PGPEP1L: variants seen among roughly 807,000 people sequenced by gnomAD.
PGPEP1L encodes pyroglutamyl-peptidase I like.
In PGPEP1L, 7 loss-of-function variants were observed where a neutral mutation model predicts 6.0. That is an observed-to-expected ratio of 1.17 (90% CI 0.66 to 2.19). The LOEUF (loss-of-function observed/expected upper bound fraction) is 2.19. Ranked by LOEUF, PGPEP1L falls within the 30% of genes most tolerant of loss-of-function variation. The pLI is 0.00. For synonymous variants in PGPEP1L, 103 were observed against 83.9 expected (o/e 1.23, Z -1.24); for missense variants, 209 against 192.5 (o/e 1.09, Z -0.51).
intron 4 of PGPEP1L, 43 bp from the exon 5 acceptor site, chr15:98,968,740 C>CT (rs1567233174): frequency 2.0e-6 from 3 of 1,526,660 alleles, no homozygotes; most frequent in East Asian, 4.9e-5. Flanking sequence ...GGACCAGCCT[C>CT]TAACCTCAGT....
intron 2 of PGPEP1L, among the ~76,000 whole-genome samples, chr15:98,993,047 C>A (rs541950142): frequency 6.6e-6 from 1 of 152,248 alleles, no homozygotes; most frequent in East Asian, 1.9e-4. Flanking sequence ...TAGGCATGAG[C>A]AAAGACTTCA....
intron 4 of PGPEP1L, 144 bp downstream of exon 4, chr15:98,969,281 G>T: frequency 3.0e-6 from 3 of 991,100 alleles, no homozygotes; most frequent in Non-Finnish European, 4.6e-6. Flanking sequence ...CCTGCACACA[G>T]CAAAGAGGGG....
At position 98,991,428 on chromosome 15, in the gene PGPEP1L, T is replaced by C. The variant is rs1285513236; in HGVS notation, c.-142+14001A>G. Among the ~76,000 whole-genome samples, 4 of 152,126 alleles carry C rather than the reference T, an allele frequency of 2.6e-5. No individual in the cohort carries two copies. The South Asian group carries it at 8.3e-4, about 32-fold the overall frequency. ...ACCAGGAAGAAGCCAAATCCCTAAA[T>C]AGACCAATAACAAGTTCTGAAATTG... is the stretch of plus-strand genomic sequence containing the variant. On this transcript the variant is annotated intron_variant, in intron 2 of 4. Coordinates refer to ENST00000535714, the MANE Select transcript of PGPEP1L (RefSeq NM_001167902.2).
chr15:98,968,682 A>T lies in PGPEP1L; in HGVS notation c.225T>A (p.Tyr75Ter). The change falls in exon 5 of 5, where the codon TAT (tyrosine) becomes TAA (stop). Residue 75 changes from tyrosine to a stop codon, truncating the protein, a stop_gained. Transcript: ENST00000535714. LOFTEE classifies it low-confidence loss of function (END_TRUNC). Reference sequence around the variant, plus strand: ...CATGATGCAGAGACAGGTAATAGGTATAATCACAGACGTATCTGCAACCAC... The same window carrying T: ...CATGATGCAGAGACAGGTAATAGGTTTAATCACAGACGTATCTGCAACCAC... ...SRDAGRYVCD[Y>*]TYYLSLHHGK... is the part of the protein sequence containing the mutation. The T allele has an allele frequency of 1.3e-6, 2 of 1,570,484 alleles. No homozygotes were observed. The highest frequency in any genetic ancestry group is 2.7e-5 in the African/African-American group (2 of 74,128).
intron 2 of PGPEP1L, among the ~76,000 whole-genome samples, chr15:98,995,408 A>G (rs2017874159): frequency 6.6e-6 from 1 of 152,238 alleles, no homozygotes. Flanking sequence ...TTTAAAGCCT[A>G]CAATTCAGGC....
intron 1 of PGPEP1L, among the ~76,000 whole-genome samples, chr15:99,006,873 C>A (rs1483785476): frequency 1.3e-5 from 2 of 152,108 alleles, no homozygotes; most frequent in African/African-American, 4.8e-5. Flanking sequence ...GAAGAAGACC[C>A]ATGATTCTCT....
chr15:99,007,104 C>G (rs1276206748), intron 1 of PGPEP1L, among the ~76,000 whole-genome samples: 6 of 152,186 alleles, frequency 3.9e-5, no homozygotes, highest in African/African-American at 1.4e-4. Flanking sequence ...AGGAACAATT[C>G]CCTTTAATTA....
At chr15:98,999,274 C>G (rs1382367930) in intron 2 of PGPEP1L, among the ~76,000 whole-genome samples, 1 of 152,186 alleles carries the variant, frequency 6.6e-6, no homozygotes, top group Non-Finnish European at 1.5e-5. Context: ...GGGCAAACCA[C>G]ATGAAGAGAC....
chr15:99,002,733 T>A (rs2017991604), intron 2 of PGPEP1L, among the ~76,000 whole-genome samples: 1 of 152,154 alleles, frequency 6.6e-6, no homozygotes, highest in East Asian at 1.9e-4. Flanking sequence ...AGTCAGGTGC[T>A]CAATTAAGTG....
intron 2 of PGPEP1L, among the ~76,000 whole-genome samples, chr15:99,004,306 G>A (rs1192550371): frequency 6.6e-6 from 1 of 151,964 alleles, no homozygotes; most frequent in Non-Finnish European, 1.5e-5. Flanking sequence ...CTACTCCAGA[G>A]GCTGAGGTGG....
chr15:98,983,169 A>G (rs79564798), intron 2 of PGPEP1L, among the ~76,000 whole-genome samples: 5 of 149,640 alleles, frequency 3.3e-5, no homozygotes, highest in Admixed American at 6.6e-5. Flanking sequence ...AAAAAAAAAA[A>G]AAGAAGAATC....
intron 2 of PGPEP1L, among the ~76,000 whole-genome samples, chr15:98,999,908 C>T (rs1239944847): frequency 6.6e-6 from 1 of 152,278 alleles, no homozygotes; most frequent in Non-Finnish European, 1.5e-5. Flanking sequence ...AGCCCTTGCG[C>T]ACTCTCAGCC....
At chr15:98,989,077 C>G (rs1232983233) in intron 2 of PGPEP1L, among the ~76,000 whole-genome samples, 1 of 152,132 alleles carries the variant, frequency 6.6e-6, no homozygotes, top group Non-Finnish European at 1.5e-5. Context: ...GCCTCTTCAC[C>G]TCAAAAGGAT....
At chr15:98,990,771 C>G (rs1434757461) in intron 2 of PGPEP1L, among the ~76,000 whole-genome samples, 1 of 152,168 alleles carries the variant, frequency 6.6e-6, no homozygotes, top group African/African-American at 2.4e-5. Context: ...GTCTCTCAGA[C>G]CACAATGCAA....
At chr15:98,987,684 A>G (rs2017766659) in intron 2 of PGPEP1L, among the ~76,000 whole-genome samples, 1 of 152,098 alleles carries the variant, frequency 6.6e-6, no homozygotes, top group Admixed American at 6.5e-5. Flanking sequence ...ACTCTTTAAT[A>G]GTTACTCTTG....
chr15:98,989,403 A>G (rs966860601), intron 2 of PGPEP1L, among the ~76,000 whole-genome samples: 3 of 152,134 alleles, frequency 2.0e-5, no homozygotes, highest in African/African-American at 7.3e-5. Context: ...GATCAACTCA[A>G]TGAAATAAAG....
chr15:98,995,073 T>G (rs145034907), intron 2 of PGPEP1L, among the ~76,000 whole-genome samples: 3 of 152,324 alleles, frequency 2.0e-5, no homozygotes, highest in African/African-American at 7.2e-5. Flanking sequence ...TCTCTGTGGA[T>G]TCATGCCTTT....
At chr15:98,978,737 T>A (rs1263155807) in intron 2 of PGPEP1L, among the ~76,000 whole-genome samples, 107 of 141,896 alleles carry the variant, frequency 7.5e-4, no homozygotes, top group Non-Finnish European at 1.3e-3. Flanking sequence ...TTTTTTTTTT[T>A]TTTTTTTTTT....
intron 2 of PGPEP1L, among the ~76,000 whole-genome samples, chr15:98,978,472 G>A (rs1342630340): frequency 6.6e-6 from 1 of 152,092 alleles, no homozygotes; most frequent in East Asian, 1.9e-4. Flanking sequence ...ATGTAATGCT[G>A]ACATTTTTCA....
Sources: allele counts gnomAD v4.1 joint callset (sites outside exome capture counted in the v4.1 genomes callset), GRCh38; gene constraint gnomAD v4.1.1; transcripts MANE v1.5; gene names NCBI Gene and HGNC (gene_info 2026-07-23, HGNC 2026-07-21).